HSDL2: variants seen among roughly 807,000 people sequenced by gnomAD.
HSDL2 encodes the protein hydroxysteroid dehydrogenase like 2.
HSDL2 carries 27 observed loss-of-function variants against 46.3 expected under a neutral mutation model. The observed-to-expected ratio is 0.58, with a 90% CI of 0.43 to 0.80. The LOEUF (loss-of-function observed/expected upper bound fraction) is 0.80. Among genes scored for constraint, HSDL2 ranks in the 30% least tolerant of loss-of-function variants. HSDL2 has a pLI of 0.00. For missense variants in HSDL2, 451 were observed against 502.7 expected (o/e 0.90, Z 0.98); for synonymous variants, 153 against 163.6 (o/e 0.94, Z 0.50).
chr9:112,404,127 T>C lies in HSDL2; in HGVS notation c.150T>C (p.Leu50=), dbSNP rs377581730. ...AAKTAQPHPK[L]LGTIYTAAEE... ...AGACCGCCCAGCCACATCCAAAACT[T>C]CTAGGCACAATCTATACTGCTGCTG... The change falls in exon 2 of 11, where the codon CTT becomes CTC. Residue 50 remains leucine, a synonymous_variant. Coordinates refer to ENST00000398805, the MANE Select transcript of HSDL2 (RefSeq NM_032303.5). The C allele has an allele frequency of 6.2e-7, 1 of 1,614,158 alleles. No individual in the cohort carries two copies. The highest frequency in any genetic ancestry group is 8.5e-7 in the Non-Finnish European group (1 of 1,180,006).
intron 6 of HSDL2, among the ~76,000 whole-genome samples, chr9:112,432,715 A>G (rs1797686672): frequency 6.6e-6 from 1 of 152,156 alleles, no homozygotes; most frequent in Non-Finnish European, 1.5e-5. Context: ...ACTAAATCCA[A>G]TTTACAGTCA....
At position 112,435,228 on chromosome 9, in the gene HSDL2, T is replaced by TCA. The variant is rs139053373; in HGVS notation, c.599-3188_599-3187dup. Among the ~76,000 whole-genome samples, 803 of 150,388 alleles carry TCA rather than the reference T, an allele frequency of 5.3e-3. 3 individuals carry two copies. The highest frequency in any genetic ancestry group is 0.012 in the South Asian group (58 of 4,790). On this transcript the variant is annotated intron_variant, in intron 6 of 10. Coordinates refer to ENST00000398805, the MANE Select transcript of HSDL2 (RefSeq NM_032303.5). ...GGAACATTTCTTATTCTATAGACAC[T>TCA]CACACACACACACACAGCATGTATA...
Position 112,404,061 on chromosome 9 carries a change from G to T in HSDL2, c.84G>T (p.Leu28Phe). The T allele has an allele frequency of 6.2e-7, 1 of 1,614,178 alleles. No individual in the cohort carries two copies. The highest frequency in any genetic ancestry group is 8.5e-7 in the Non-Finnish European group (1 of 1,180,012). ...GTGGCATTGGCAAAGCTATTGCATT[G>T]AAAGCAGCAAAGGATGGAGCAAATA... ...ASRGIGKAIA[L>F]KAAKDGANIV... The change falls in exon 2 of 11, where the codon TTG (leucine) becomes TTT (phenylalanine). Residue 28 changes from leucine to phenylalanine, a missense_variant. By Grantham distance (22) the Leu-to-Phe change is conservative (BLOSUM62 0). Coordinates refer to ENST00000398805, the MANE Select transcript of HSDL2 (RefSeq NM_032303.5).
chr9:112,411,448 G>A (rs948319245), intron 4 of HSDL2, among the ~76,000 whole-genome samples: 3 of 152,214 alleles, frequency 2.0e-5, no homozygotes, highest in Non-Finnish European at 4.4e-5. Context: ...GCCAATGCAG[G>A]CAGATCACCT....
intron 3 of HSDL2, among the ~76,000 whole-genome samples, chr9:112,406,934 G>T (rs1444917507): frequency 4.6e-5 from 7 of 152,148 alleles, no homozygotes; most frequent in African/African-American, 1.7e-4. Flanking sequence ...TCCAAATCCT[G>T]CCTAAACCAT....
At chr9:112,470,360 G>C (rs1203536065) in intron 10 of HSDL2, 72 bp from the exon 11 acceptor site, 2 of 841,178 alleles carry the variant, frequency 2.4e-6, no homozygotes. Flanking sequence ...TTTTTACAAT[G>C]CGTGTTCTTA....
At chr9:112,384,315 T>C (rs1283498433) in intron 1 of HSDL2, among the ~76,000 whole-genome samples, 1 of 152,096 alleles carries the variant, frequency 6.6e-6, no homozygotes, top group Non-Finnish European at 1.5e-5. Flanking sequence ...TGAAGTGCTC[T>C]TGCCTTCTAT....
In HSDL2 at chr9:112,466,005, A is replaced by C. The variant is rs76185533; in HGVS notation, c.1145-4427A>C. 3.7e-3 allele frequency among the ~76,000 whole-genome samples: 565 copies of C among 152,304 alleles called. 3 individuals are homozygous for C. The highest frequency in any genetic ancestry group is 0.013 in the African/African-American group (541 of 41,558). On this transcript the variant is annotated intron_variant, in intron 10 of 10. Coordinates refer to ENST00000398805, the MANE Select transcript of HSDL2 (RefSeq NM_032303.5). The stretch of plus-strand genomic sequence containing the variant: ...CTGCATCATTTACATTCCCAACGGC[A>C]ATGTACAAGGATTTCTATTTTTCCA...
intron 3 of HSDL2, among the ~76,000 whole-genome samples, chr9:112,407,041 G>A (rs557909735): frequency 2.0e-5 from 3 of 152,226 alleles, no homozygotes; most frequent in Non-Finnish European, 4.4e-5. Context: ...TAGCAAGGCT[G>A]TACTTATAAT....
intron 8 of HSDL2, among the ~76,000 whole-genome samples, chr9:112,450,372 G>A (rs1433942425): frequency 6.6e-6 from 1 of 152,072 alleles, no homozygotes. Flanking sequence ...GCTCATGCCT[G>A]TAATCCCAGC....
intron 1 of HSDL2, among the ~76,000 whole-genome samples, chr9:112,389,420 A>C (rs905113554): frequency 6.6e-6 from 1 of 152,228 alleles, no homozygotes; most frequent in Non-Finnish European, 1.5e-5. Flanking sequence ...TTGGGGTAAA[A>C]TATTAACAAT....
At chr9:112,381,322 C>T (rs914627938) in intron 1 of HSDL2, among the ~76,000 whole-genome samples, 15 of 152,070 alleles carry the variant, frequency 9.9e-5, no homozygotes, top group Admixed American at 9.8e-4. Flanking sequence ...CACCGCTGTG[C>T]CCAGGGACAT....
chr9:112,454,243 G>C (rs1832961436), intron 9 of HSDL2, 81 bp downstream of exon 9: 2 of 1,150,092 alleles, frequency 1.7e-6, no homozygotes, highest in Non-Finnish European at 1.2e-6. Flanking sequence ...GCGTCCAACA[G>C]TGATCCCCTG....
intron 6 of HSDL2, among the ~76,000 whole-genome samples, chr9:112,420,923 T>C (rs1832106082): frequency 6.6e-6 from 1 of 151,556 alleles, no homozygotes; most frequent in African/African-American, 2.4e-5. Flanking sequence ...TGTGTGTTTA[T>C]GTAAAATTAA....
At chr9:112,433,229 G>A (rs376392002) in intron 6 of HSDL2, among the ~76,000 whole-genome samples, 3 of 152,182 alleles carry the variant, frequency 2.0e-5, no homozygotes, top group Admixed American at 6.5e-5. Context: ...AGGGAGCGAC[G>A]CATGCAAAGA....
intron 1 of HSDL2, among the ~76,000 whole-genome samples, chr9:112,385,350 A>G (rs563203505): frequency 2.0e-5 from 3 of 152,082 alleles, no homozygotes; most frequent in Non-Finnish European, 4.4e-5. Context: ...TTTTTTTGAG[A>G]TGGAGTCTTG....
At chr9:112,414,961 A>AG (rs1051338917) in intron 4 of HSDL2, among the ~76,000 whole-genome samples, 1 of 151,842 alleles carries the variant, frequency 6.6e-6, no homozygotes, top group Non-Finnish European at 1.5e-5. Flanking sequence ...GGTAAAGAAA[A>AG]AAAAAAGAAT....
At chr9:112,449,582 G>T (rs13288025) in intron 8 of HSDL2, among the ~76,000 whole-genome samples, 4 of 152,002 alleles carry the variant, frequency 2.6e-5, no homozygotes, top group East Asian at 3.9e-4. Flanking sequence ...CATCATTTTA[G>T]GCCGGGTGCG....
At chr9:112,393,281 G>A (rs1225926887) in intron 1 of HSDL2, among the ~76,000 whole-genome samples, 3 of 152,160 alleles carry the variant, frequency 2.0e-5, no homozygotes, top group Admixed American at 2.0e-4. Context: ...TTACGTCCAA[G>A]GATAAATGAT....
Sources: gnomAD v4.1 joint callset for allele counts (sites outside exome capture counted in the v4.1 genomes callset) on GRCh38, gnomAD v4.1.1 for gene constraint, MANE v1.5 for transcripts, NCBI Gene and HGNC (gene_info 2026-07-23, HGNC 2026-07-21) for gene names.